CCNY: variants seen among roughly 807,000 people sequenced by gnomAD.
CCNY encodes cyclin Y, also known as cyclin-Y.
A neutral mutation model predicts 42.8 loss-of-function variants in CCNY; 19 were observed. That is an observed-to-expected ratio of 0.44 (90% confidence interval 0.31 to 0.65). CCNY has a LOEUF of 0.65. Ranked by LOEUF, CCNY falls within the 30% of genes least tolerant of loss-of-function variation. The pLI is 0.07. For missense variants in CCNY, 370 were observed against 437.3 expected, an observed-to-expected ratio of 0.85 and a Z score of 1.37; for synonymous variants, 165 against 162.7, an observed-to-expected ratio of 1.01 and a Z score of -0.11.
At chr10:35,508,926 C>A (rs1047764017) in intron 3 of CCNY, among the ~76,000 whole-genome samples, 2 of 152,148 alleles carry the variant, frequency 1.3e-5, no homozygotes, top group Non-Finnish European at 2.9e-5. Context: ...TCCCCTCCCC[C>A]ACTAGTCTAC....
chr10:35,343,066 G>A (rs954502589), intron 1 of CCNY, among the ~76,000 whole-genome samples: 3 of 145,190 alleles, frequency 2.1e-5, no homozygotes, highest in Non-Finnish European at 4.5e-5. Context: ...GCAGTGGCGC[G>A]ATCTTGGCTC....
At chr10:35,546,463 G>A (rs558488679) in intron 7 of CCNY, among the ~76,000 whole-genome samples, 2 of 152,326 alleles carry the variant, frequency 1.3e-5, no homozygotes, top group Admixed American at 1.3e-4. Context: ...AACTGAGTAA[G>A]AGTGACCTGT....
chr10:35,378,089 C>A (rs1335515854), intron 1 of CCNY, among the ~76,000 whole-genome samples: 2 of 152,196 alleles, frequency 1.3e-5, no homozygotes, highest in African/African-American at 4.8e-5. Context: ...AATCTGAAAT[C>A]ATTTATGTTA....
At chr10:35,273,480 C>T (rs1205366591) in intron 3 of CCNY, among the ~76,000 whole-genome samples, 3 of 152,096 alleles carry the variant, frequency 2.0e-5, no homozygotes, top group Non-Finnish European at 4.4e-5. Context: ...GCTGGGATTA[C>T]AGGCATGAGC....
chr10:35,343,551 G>A (rs1258471947), intron 1 of CCNY, among the ~76,000 whole-genome samples: 5 of 151,456 alleles, frequency 3.3e-5, no homozygotes, highest in Admixed American at 6.6e-5. Context: ...CACCACGTCC[G>A]GCTAATTTTT....
chr10:35,550,373 A>G (rs962397888), intron 7 of CCNY, among the ~76,000 whole-genome samples: 11 of 152,004 alleles, frequency 7.2e-5, no homozygotes, highest in African/African-American at 2.7e-4. Context: ...TACACTGCTC[A>G]TGACCCTGTG....
intron 8 of CCNY, among the ~76,000 whole-genome samples, chr10:35,563,957 A>T (rs1182480848): frequency 1.3e-5 from 2 of 150,796 alleles, no homozygotes; most frequent in Non-Finnish European, 3.0e-5. Context: ...GCTCGCTTCA[A>T]CCTCCACCTC....
chr10:35,313,443 G>A (rs574940616), intron 3 of CCNY, among the ~76,000 whole-genome samples: 1 of 152,312 alleles, frequency 6.6e-6, no homozygotes, highest in East Asian at 1.9e-4. Flanking sequence ...GCATGTAACT[G>A]TCACTTCCCC....
intron 1 of CCNY, among the ~76,000 whole-genome samples, chr10:35,439,477 T>C (rs962207170): frequency 6.6e-6 from 1 of 152,162 alleles, no homozygotes; most frequent in African/African-American, 2.4e-5. Context: ...TTTATAGTTT[T>C]TATTTGTTTG....
chr10:35,295,325 G>A (rs375180162), intron 3 of CCNY, among the ~76,000 whole-genome samples: 4 of 151,414 alleles, frequency 2.6e-5, no homozygotes, highest in Admixed American at 1.3e-4. Flanking sequence ...TCTGCCTCCC[G>A]GGTTCAAGCG....
chr10:35,518,640 C>G (rs12779111), intron 4 of CCNY, among the ~76,000 whole-genome samples: 107 of 69,594 alleles, frequency 1.5e-3, no homozygotes, highest in Non-Finnish European at 1.8e-3. Context: ...GAGGCATTCT[C>G]TGGGTATCTG....
chr10:35,449,871 A>G (rs1410209219), intron 1 of CCNY: 1 of 884,962 alleles, frequency 1.1e-6, no homozygotes, highest in Non-Finnish European at 1.4e-6. Flanking sequence ...GGGCCTTTCC[A>G]ATGATGCTAT....
intron 2 of CCNY, among the ~76,000 whole-genome samples, chr10:35,483,801 A>G (rs551494721): frequency 9.8e-4 from 149 of 152,350 alleles, no homozygotes; most frequent in Non-Finnish European, 1.9e-3. Flanking sequence ...ATAAGATCAG[A>G]AGTATTTGTT....
intron 3 of CCNY, among the ~76,000 whole-genome samples, chr10:35,295,035 G>C (rs11010157): frequency 6.6e-6 from 1 of 151,788 alleles, no homozygotes; most frequent in Non-Finnish European, 1.5e-5. Flanking sequence ...GGGACCTGTA[G>C]TCCCAGCTAC....
chr10:35,550,869 T>C (rs560234097), intron 7 of CCNY, among the ~76,000 whole-genome samples: 131 of 152,226 alleles, frequency 8.6e-4, no homozygotes, highest in African/African-American at 2.8e-3. Flanking sequence ...TCTTAGTTCT[T>C]AAGCCTCCCC....
At chr10:35,347,140 G>T (rs1211148754) in intron 1 of CCNY, among the ~76,000 whole-genome samples, 1 of 152,238 alleles carries the variant, frequency 6.6e-6, no homozygotes, top group African/African-American at 2.4e-5. Flanking sequence ...TATTGGGGAT[G>T]TGTAGTGGGG....
intron 3 of CCNY, among the ~76,000 whole-genome samples, chr10:35,270,674 C>T (rs958447850): frequency 3.3e-5 from 5 of 151,198 alleles, no homozygotes; most frequent in Non-Finnish European, 7.4e-5. Flanking sequence ...CAGTGTGTAG[C>T]TGAATCTCTA....
chr10:35,293,072 G>A (rs563835529), intron 3 of CCNY, among the ~76,000 whole-genome samples: 1 of 152,258 alleles, frequency 6.6e-6, no homozygotes, highest in Admixed American at 6.5e-5. Context: ...GAGCCACCGT[G>A]CCCGGCCTGT....
upstream of CCNY, among the ~76,000 whole-genome samples, chr10:35,333,095 GTGGTACAATCATAGCTCAC>G (rs547470503): frequency 5.5e-4 from 84 of 152,112 alleles, no homozygotes; most frequent in African/African-American, 2.0e-3. Flanking sequence ...CTGGGGTACA[GTGGTACAATCATAGCTCAC>G]TGCAGCCTCC....
Sources: gnomAD v4.1 joint callset for allele counts (sites outside exome capture counted in the v4.1 genomes callset) on GRCh38, gnomAD v4.1.1 for gene constraint, MANE v1.5 for transcripts, NCBI Gene and HGNC (gene_info 2026-07-23, HGNC 2026-07-21) for gene names.